Variants in DLGAP2 observed in about 807,000 individuals in gnomAD.
DLGAP2 encodes DLG associated protein 2, also known as disks large-associated protein 2.
Under a neutral mutation model 100.3 loss-of-function variants are expected in DLGAP2, and 26 were observed. The ratio of observed to expected loss-of-function variants is 0.26; its 90% CI spans 0.19 to 0.36. DLGAP2 has a LOEUF of 0.36. Ranked by LOEUF, DLGAP2 falls within the 10% of genes least tolerant of loss-of-function variation. The probability of loss-of-function intolerance (pLI) is 1.00; values close to 1 mark genes in which losing one functional copy is unlikely to be tolerated. For missense variants in DLGAP2, 1,858 were observed against 1,453.2 expected (o/e 1.28, Z -4.53); for synonymous variants, 886 against 630.1 (o/e 1.41, Z -6.08).
chr8:1,670,699 G>A (rs1018108937), intron 10 of DLGAP2, among the ~76,000 whole-genome samples: 4 of 152,330 alleles, frequency 2.6e-5, no homozygotes, highest in Admixed American at 6.5e-5. Context: ...AAAAAAAAAC[G>A]CACAACATCC....
chr8:944,507 T>C (rs1208926435), intron 2 of DLGAP2, among the ~76,000 whole-genome samples: 1 of 151,652 alleles, frequency 6.6e-6, no homozygotes, highest in Non-Finnish European at 1.5e-5. Context: ...CATTGGGTGG[T>C]AACCAGTCCA....
At chr8:1,321,338 C>T (rs1324527770) in intron 3 of DLGAP2, among the ~76,000 whole-genome samples, 1 of 151,400 alleles carries the variant, frequency 6.6e-6, no homozygotes, top group Non-Finnish European at 1.5e-5. Flanking sequence ...GTCTGTGTGT[C>T]TCTGCATGTG....
At chr8:814,482 T>G (rs1489093662) in intron 1 of DLGAP2, among the ~76,000 whole-genome samples, 1 of 152,182 alleles carries the variant, frequency 6.6e-6, no homozygotes, top group African/African-American at 2.4e-5. Context: ...GTATTACTAG[T>G]AAGGGCTGGA....
chr8:1,554,555 C>G (rs1405758478), intron 5 of DLGAP2, among the ~76,000 whole-genome samples: 1 of 152,126 alleles, frequency 6.6e-6, no homozygotes. Context: ...TTGAGGGTCC[C>G]TCTGCTGCCC....
At chr8:1,267,550 T>C (rs1001244776) in intron 3 of DLGAP2, among the ~76,000 whole-genome samples, 1 of 110,190 alleles carries the variant, frequency 9.1e-6, no homozygotes, top group African/African-American at 4.3e-5. Context: ...CAGAGCAAAA[T>C]TCCCGCTCAA....
At chr8:1,467,730 G>A (rs1798665898) in intron 3 of DLGAP2, among the ~76,000 whole-genome samples, 2 of 152,138 alleles carry the variant, frequency 1.3e-5, no homozygotes, top group South Asian at 4.1e-4. Context: ...GCTCTCCATA[G>A]CTCACTGCTG....
intron 3 of DLGAP2, among the ~76,000 whole-genome samples, chr8:1,392,676 G>C (rs570769006): frequency 2.0e-5 from 3 of 152,232 alleles, no homozygotes; most frequent in African/African-American, 7.2e-5. Context: ...TGCATCTCTG[G>C]GGACTGGGCC....
At chr8:905,989 G>A (rs1422610944) in intron 1 of DLGAP2, among the ~76,000 whole-genome samples, 22 of 152,250 alleles carry the variant, frequency 1.4e-4, no homozygotes, top group Admixed American at 1.4e-3. Context: ...GCTTCTTCAA[G>A]ACATGTCTGT....
At chr8:931,833 C>T (rs772260569) in intron 2 of DLGAP2, among the ~76,000 whole-genome samples, 7 of 152,074 alleles carry the variant, frequency 4.6e-5, no homozygotes, top group African/African-American at 7.2e-5. Context: ...TTTGGACTCT[C>T]AATGAAACAA....
At position 976,334 on chromosome 8, in the gene DLGAP2, G is replaced by A. The variant is rs755817785; in HGVS notation, c.73+68368G>A. Among the ~76,000 whole-genome samples the A allele has an allele frequency of 5.9e-5, 9 of 152,168 alleles. No individual in the cohort carries two copies. In the East Asian group the frequency reaches 1.2e-3, roughly 20 times the overall value. On this transcript the variant is annotated intron_variant, in intron 2 of 14. Coordinates refer to ENST00000637795, the MANE Select transcript of DLGAP2 (RefSeq NM_001346810.2). ...CCAGAAAATAGACTCAGTGCAGGCCGGGCGTGATGGTTCAAGCGTGTAATC... is the reference window on the plus strand; with the variant it reads ...CCAGAAAATAGACTCAGTGCAGGCCAGGCGTGATGGTTCAAGCGTGTAATC...
chr8:1,275,491 C>T (rs1799664311), intron 3 of DLGAP2, among the ~76,000 whole-genome samples: 1 of 151,850 alleles, frequency 6.6e-6, no homozygotes, highest in African/African-American at 2.4e-5. Flanking sequence ...TCCAGTCAGA[C>T]ATCAGCGTCA....
At chr8:1,383,741 C>T (rs1043469555) in intron 3 of DLGAP2, among the ~76,000 whole-genome samples, 11 of 152,192 alleles carry the variant, frequency 7.2e-5, no homozygotes, top group Admixed American at 1.3e-4. Context: ...ATGGCCACGT[C>T]AGAGCCTATA....
intron 6 of DLGAP2, among the ~76,000 whole-genome samples, chr8:1,593,948 C>G (rs1395227148): frequency 6.6e-6 from 1 of 152,234 alleles, no homozygotes; most frequent in Non-Finnish European, 1.5e-5. Context: ...TCCAAGCCTT[C>G]CAGTCTTGGA....
chr8:1,037,737 G>A (rs1404334655), intron 2 of DLGAP2, among the ~76,000 whole-genome samples: 1 of 152,188 alleles, frequency 6.6e-6, no homozygotes, highest in Non-Finnish European at 1.5e-5. Flanking sequence ...CCCCCTTTTA[G>A]CCGCTTTGGG....
intron 2 of DLGAP2, among the ~76,000 whole-genome samples, chr8:966,276 A>C (rs983539309): frequency 6.6e-6 from 1 of 152,236 alleles, no homozygotes; most frequent in African/African-American, 2.4e-5. Flanking sequence ...TTGGGGTATG[A>C]ATGAGTGAAG....
chr8:1,476,317 A>G (rs564815877), intron 3 of DLGAP2, among the ~76,000 whole-genome samples: 48 of 152,310 alleles, frequency 3.2e-4, no homozygotes, highest in South Asian at 1.2e-3. Flanking sequence ...TCTACGTGAG[A>G]GAGCAATACA....
chr8:1,129,799 G>A (rs1235099521), intron 2 of DLGAP2, among the ~76,000 whole-genome samples: 2 of 152,290 alleles, frequency 1.3e-5, no homozygotes, highest in East Asian at 3.9e-4. Flanking sequence ...GGCCCACTGA[G>A]GAGCAGCCTG....
At position 1,531,538 on chromosome 8, in the gene DLGAP2, T is replaced by A. The variant is rs138467759; in HGVS notation, c.173-17088T>A. On this transcript the variant is annotated intron_variant, in intron 4 of 14. Transcript: ENST00000637795. ...TTTTTTGAAGGAAATGTTTTCTTAT[T>A]TACAGGAATCTTTTAAATATTAAGT... 5.3e-3 allele frequency among the ~76,000 whole-genome samples: 803 copies of A among 152,290 alleles called. 5 individuals carry two copies. The highest frequency in any genetic ancestry group is 0.013 in the African/African-American group (558 of 41,562).
chr8:1,526,963 T>G (rs1002902577), intron 4 of DLGAP2, among the ~76,000 whole-genome samples: 1 of 152,226 alleles, frequency 6.6e-6, no homozygotes, highest in African/African-American at 2.4e-5. Context: ...CGAGTTAGGC[T>G]GCAAGCAGCG....
Sources: gnomAD v4.1 joint callset for allele counts (sites outside exome capture counted in the v4.1 genomes callset) on GRCh38, gnomAD v4.1.1 for gene constraint, MANE v1.5 for transcripts, NCBI Gene and HGNC (gene_info 2026-07-23, HGNC 2026-07-21) for gene names.